Variants in PIGK observed in about 807,000 individuals in gnomAD.
The protein encoded by PIGK is phosphatidylinositol glycan anchor biosynthesis class K.
PIGK carries 42 observed loss-of-function variants against 50.6 expected under a neutral mutation model. The ratio of observed to expected loss-of-function variants is 0.83; its 90% CI spans 0.65 to 1.07. The LOEUF is 1.07. Among genes scored for constraint, PIGK ranks in the 50% least tolerant of loss-of-function variants. The pLI is 0.00. For missense variants in PIGK, 448 were observed against 488.7 expected (o/e 0.92, Z 0.78); for synonymous variants, 151 against 156.0 (o/e 0.97, Z 0.24).
At chr1:77,129,252 T>C in intron 9 of PIGK, 1 of 1,609,220 alleles carries the variant, frequency 6.2e-7, no homozygotes, top group Non-Finnish European at 8.5e-7. Context: ...AGCCACGAAG[T>C]ATCTGAAAGA....
intron 10 of PIGK, 38 bp from the exon 11 acceptor site, chr1:77,092,528 G>T (rs766962740): frequency 8.6e-6 from 9 of 1,051,414 alleles, no homozygotes; most frequent in Admixed American, 8.3e-5. Flanking sequence ...TTTATAACAG[G>T]TAAATAATTC....
At chr1:77,147,457 A>G (rs1347478887) in intron 9 of PIGK, among the ~76,000 whole-genome samples, 1 of 152,184 alleles carries the variant, frequency 6.6e-6, no homozygotes, top group Non-Finnish European at 1.5e-5. Flanking sequence ...GAGTGTTTAG[A>G]GTTCATAATG....
rs911486486 is a variant in PIGK at position 77,142,603 on chromosome 1, G to A, written c.986+11846C>T. ...TTCCACATGGCTGGGGAGGCCTTAG[G>A]AAACTTACGAACATGGCAGAAGGCA... On this transcript the variant is annotated intron_variant, in intron 9 of 10. Coordinates refer to ENST00000370812, the MANE Select transcript of PIGK (RefSeq NM_005482.3). Among the ~76,000 whole-genome samples the A allele has an allele frequency of 3.3e-5, 5 of 152,250 alleles. No homozygotes were observed. In the South Asian group the frequency reaches 1.0e-3, roughly 32 times the overall value.
chr1:77,206,749 A>C lies in PIGK; in HGVS notation c.148-18T>G. On this transcript the variant is annotated intron_variant, in intron 2 of 10. Coordinates refer to ENST00000370812, the MANE Select transcript of PIGK (RefSeq NM_005482.3). ...GTACACACCTGAAGTATTAAAACAA[A>C]AACAGAATTTTTATGCATCAAGGCT... 2.0e-6 allele frequency: 3 copies of C among 1,521,098 alleles called. No individual in the cohort carries two copies. Among genetic ancestry groups the C allele is most frequent in the Non-Finnish European group, 2.7e-6 (3 of 1,097,094 alleles). 94.2% of individuals were successfully genotyped at this position (1,521,098 alleles called of 1,614,324 possible).
intron 10 of PIGK, among the ~76,000 whole-genome samples, chr1:77,093,157 T>C (rs57715617): frequency 0.037 from 5,672 of 152,222 alleles, 206 homozygotes; most frequent in South Asian, 0.21. Context: ...GTACCTGAAC[T>C]ATAACTCCTT....
chr1:77,123,727 C>T (rs1390296369), intron 9 of PIGK, among the ~76,000 whole-genome samples: 2 of 151,894 alleles, frequency 1.3e-5, no homozygotes, highest in Admixed American at 6.6e-5. Flanking sequence ...GATAGTTACA[C>T]AATAATATAA....
At chr1:77,097,594 G>T (rs1653447577) in intron 10 of PIGK, among the ~76,000 whole-genome samples, 2 of 152,100 alleles carry the variant, frequency 1.3e-5, no homozygotes, top group Non-Finnish European at 2.9e-5. Context: ...CCTTAATCGT[G>T]ATTTTAACTT....
Position 77,195,100 on chromosome 1 carries a change from G to A in PIGK, c.239+11540C>T, listed in dbSNP as rs1023874965. 7 of 1,100,822 alleles carry A rather than the reference G, an allele frequency of 6.4e-6. No homozygotes were observed. The African/African-American group carries it at 1.1e-4, about 17-fold the overall frequency. The allele number at this position is 1,100,822 out of a possible 1,614,324, so 68.2% of individuals were successfully genotyped here. A position where few individuals can be genotyped will look rare whatever the true frequency, so the allele number is the denominator to read the frequency against. ...CAGGAACAACCCAGACTGGTGAGGT[G>A]TGGTCATATTACACAGGAAGGAGGG... On this transcript the variant is annotated intron_variant, in intron 3 of 10. Coordinates refer to ENST00000370812, the MANE Select transcript of PIGK (RefSeq NM_005482.3).
chr1:77,152,301 A>G (rs906165899), intron 9 of PIGK, among the ~76,000 whole-genome samples: 2 of 152,164 alleles, frequency 1.3e-5, no homozygotes, highest in African/African-American at 4.8e-5. Context: ...ATCCATATGC[A>G]GAAGAATGAA....
intron 3 of PIGK, among the ~76,000 whole-genome samples, chr1:77,193,245 A>ATGTG (rs56987496): frequency 0.025 from 3,675 of 144,828 alleles, 54 homozygotes; most frequent in African/African-American, 0.03. Context: ...TGGCATGAGA[A>ATGTG]TGTGTGTGTG....
chr1:77,176,053 G>A (rs1266530924), intron 3 of PIGK, among the ~76,000 whole-genome samples: 2 of 152,066 alleles, frequency 1.3e-5, no homozygotes, highest in African/African-American at 4.8e-5. Flanking sequence ...AAAAAGAAGG[G>A]AAAGACAAAA....
rs1030586257 is a variant in PIGK at position 77,091,431 on chromosome 1, A to G, written c.*943T>C. ...CCACTTTATGGGATTTTTCTCAAGGAAAGTATAGATACAGCCAGTGGGCAA... is the reference window on the plus strand; with the variant it reads ...CCACTTTATGGGATTTTTCTCAAGGGAAGTATAGATACAGCCAGTGGGCAA... On this transcript the variant is annotated 3_prime_UTR_variant, in exon 11 of 11. Transcript: ENST00000370812. 2 of 152,204 alleles carry G rather than the reference A, an allele frequency of 1.3e-5. No individual in the cohort carries two copies. Among genetic ancestry groups the G allele is most frequent in the Non-Finnish European group, 2.9e-5 (2 of 68,038 alleles). The allele number at this position is 152,204 out of a possible 1,614,324, so 9.4% of individuals were successfully genotyped here.
chr1:77,190,593 A>G (rs1655879711), intron 3 of PIGK, among the ~76,000 whole-genome samples: 1 of 152,204 alleles, frequency 6.6e-6, no homozygotes, highest in Non-Finnish European at 1.5e-5. Context: ...AAAATTCTCA[A>G]AGAACAGCAC....
intron 9 of PIGK, among the ~76,000 whole-genome samples, chr1:77,140,778 A>T (rs1171280186): frequency 6.6e-6 from 1 of 152,234 alleles, no homozygotes; most frequent in Non-Finnish European, 1.5e-5. Flanking sequence ...GAAGATACGT[A>T]TCAGTGTTTT....
intron 9 of PIGK, among the ~76,000 whole-genome samples, chr1:77,133,492 T>C (rs1654428289): frequency 6.6e-6 from 1 of 152,196 alleles, no homozygotes; most frequent in Non-Finnish European, 1.5e-5. Context: ...GCTTCTATAT[T>C]CTGTGTTTTG....
At chr1:77,130,189 CTTT>C (rs67252426) in intron 9 of PIGK, among the ~76,000 whole-genome samples, 1 of 103,926 alleles carries the variant, frequency 9.6e-6, no homozygotes, top group East Asian at 2.8e-4. Context: ...TTTGCATTGT[CTTT>C]TTTTTTTTTT....
intron 3 of PIGK, among the ~76,000 whole-genome samples, chr1:77,200,936 T>A (rs761633779): frequency 1.3e-5 from 2 of 152,198 alleles, no homozygotes; most frequent in Non-Finnish European, 2.9e-5. Context: ...GGATAGTGAA[T>A]GTGTATTACA....
chr1:77,188,159 G>A (rs1465540052), intron 3 of PIGK, among the ~76,000 whole-genome samples: 1 of 152,132 alleles, frequency 6.6e-6, no homozygotes, highest in African/African-American at 2.4e-5. Context: ...AATTGTTCAG[G>A]GAATAAGAGA....
At chr1:77,117,166 A>G (rs1162597575) in intron 10 of PIGK, among the ~76,000 whole-genome samples, 1 of 152,120 alleles carries the variant, frequency 6.6e-6, no homozygotes, top group African/African-American at 2.4e-5. Context: ...TAAACTTGAG[A>G]ATTTCACTAG....
Sources: allele counts gnomAD v4.1 joint callset (sites outside exome capture counted in the v4.1 genomes callset), GRCh38; gene constraint gnomAD v4.1.1; transcripts MANE v1.5; gene names NCBI Gene and HGNC (gene_info 2026-07-23, HGNC 2026-07-21).